Variants in PCM1 observed in about 807,000 individuals in gnomAD.
PCM1 encodes the protein pericentriolar material 1.
PCM1 carries 157 observed loss-of-function variants against 241.9 expected under a neutral mutation model. The ratio of observed to expected loss-of-function variants is 0.65; its 90% CI spans 0.57 to 0.74. The LOEUF is 0.74. PCM1 is among the 30% of genes least tolerant of loss of function. PCM1 has a pLI of 0.00. For synonymous variants in PCM1, 1,085 were observed against 784.9 expected (o/e 1.38, Z -6.39); for missense variants, 3,478 against 2,360.1 (o/e 1.47, Z -9.81).
At chr8:17,942,663 G>C (rs2062491953) in intron 6 of PCM1, among the ~76,000 whole-genome samples, 1 of 151,678 alleles carries the variant, frequency 6.6e-6, no homozygotes. Flanking sequence ...TGGCATTCCA[G>C]ATAGAGTTAA....
intron 17 of PCM1, among the ~76,000 whole-genome samples, 181 bp downstream of exon 17, chr8:17,963,472 T>A (rs1048599542): frequency 6.6e-6 from 1 of 152,228 alleles, no homozygotes; most frequent in Non-Finnish European, 1.5e-5. Flanking sequence ...CTGTTCTGAC[T>A]TCTCGTAGCA....
chr8:17,987,765 A>G (rs1179552533), intron 26 of PCM1, among the ~76,000 whole-genome samples: 2 of 151,888 alleles, frequency 1.3e-5, no homozygotes, highest in South Asian at 2.1e-4. Flanking sequence ...AGAACTTTCT[A>G]TAGTGATGGA....
chr8:18,005,825 A>T (rs1359337053), intron 29 of PCM1, among the ~76,000 whole-genome samples: 4 of 152,162 alleles, frequency 2.6e-5, no homozygotes, highest in African/African-American at 9.7e-5. Flanking sequence ...AATGCACAGG[A>T]TGTCAATAAT....
intron 23 of PCM1, among the ~76,000 whole-genome samples, chr8:17,979,228 CAGTT>C (rs555410100): frequency 3.7e-4 from 57 of 152,142 alleles, no homozygotes; most frequent in African/African-American, 1.2e-3. Flanking sequence ...ATTTCTATCT[CAGTT>C]AGGAACTAAA....
rs2076605228 is a variant in PCM1 at position 17,970,872 on chromosome 8, A to G, written c.3584+1124A>G. Among the ~76,000 whole-genome samples the G allele has an allele frequency of 1.3e-5, 2 of 152,166 alleles. 1 individual carries two copies. Among genetic ancestry groups the G allele is most frequent in the South Asian group, 4.1e-4 (2 of 4,832 alleles). The stretch of plus-strand genomic sequence containing the variant: ...GACCTCATTTCCCAAAATCTCAACT[A>G]TTGTAATTTCATGGAATTAAATGAC... On this transcript the variant is annotated intron_variant, in intron 22 of 38. Transcript: ENST00000325083.
At position 17,991,691 on chromosome 8, in the gene PCM1, A is replaced by T. The variant is rs2084681968; in HGVS notation, c.4681A>T (p.Asn1561Tyr). Reference protein sequence around the residue: ...DGAGAGTTVNNLEETPVIENR... With the variant: ...DGAGAGTTVNYLEETPVIENR... ...TGCTGGTGCAGGTACTACAGTTAAT[A>T]ATTTAGAAGGTATATATTTTTGTTT... The change falls in exon 28 of 39, where the codon AAT becomes TAT. Residue 1561 changes from asparagine (N) to tyrosine (Y), a missense_variant. Asn to Tyr is a moderately radical substitution (Grantham distance 143). Coordinates refer to ENST00000325083, the MANE Select transcript of PCM1 (RefSeq NM_006197.4). The T allele has an allele frequency of 6.5e-7, 1 of 1,548,822 alleles. No homozygotes were observed. Among genetic ancestry groups the T allele is most frequent in the Non-Finnish European group, 8.7e-7 (1 of 1,146,100 alleles).
intron 2 of PCM1, among the ~76,000 whole-genome samples, chr8:17,932,370 A>G (rs867413152): frequency 1.6e-4 from 25 of 152,300 alleles, no homozygotes; most frequent in African/African-American, 5.1e-4. Flanking sequence ...CTTTCCAGAA[A>G]TGTTATACTG....
chr8:17,923,449 C>T (rs1408562314), intron 1 of PCM1, among the ~76,000 whole-genome samples: 1 of 152,210 alleles, frequency 6.6e-6, no homozygotes, highest in Admixed American at 6.5e-5. Flanking sequence ...CTTGCCTCCT[C>T]GCCCCTCCTG....
intron 10 of PCM1, chr8:17,955,879 T>A: frequency 5.6e-6 from 3 of 540,398 alleles, no homozygotes; most frequent in Non-Finnish European, 6.6e-6. Context: ...TTTCTTGTTT[T>A]TCAAATAAAG....
chr8:17,959,555 A>C (rs959734949), intron 13 of PCM1, among the ~76,000 whole-genome samples: 3 of 100,492 alleles, frequency 3.0e-5, no homozygotes, highest in African/African-American at 1.2e-4. Flanking sequence ...GTACATTTTA[A>C]AGGACACAAC....
rs751942028 is a variant in PCM1 at position 17,957,306 on chromosome 8, T to G, written c.1689T>G (p.His563Gln). The change falls in exon 12 of 39, where the codon CAT becomes CAG. Residue 563 changes from histidine to glutamine, a missense_variant. By Grantham distance (24) the His-to-Gln change is conservative (BLOSUM62 0). Transcript: ENST00000325083. Reference sequence around the variant, plus strand: ...CCACTTGGAATGAAGTAAATAGTCATAGTAATGCACAGTGTGTTTCTAATA... The same window carrying G: ...CCACTTGGAATGAAGTAAATAGTCAGAGTAATGCACAGTGTGTTTCTAATA... ...VASTWNEVNS[H>Q]SNAQCVSNNR... 2.5e-6 allele frequency: 4 copies of G among 1,610,330 alleles called. No homozygotes were observed. Among genetic ancestry groups the G allele is most frequent in the Non-Finnish European group, 3.4e-6 (4 of 1,177,936 alleles).
chr8:18,015,411 G>A (rs1452696220), intron 36 of PCM1, among the ~76,000 whole-genome samples: 1 of 152,034 alleles, frequency 6.6e-6, no homozygotes, highest in Non-Finnish European at 1.5e-5. Flanking sequence ...ACTTCACTTG[G>A]GTCATTTCTG....
intron 36 of PCM1, among the ~76,000 whole-genome samples, chr8:18,023,449 T>G (rs551719318): frequency 1.3e-5 from 2 of 152,338 alleles, no homozygotes; most frequent in East Asian, 3.9e-4. Flanking sequence ...AAAGTTTTAA[T>G]GATACTTTCG....
In PCM1 at chr8:17,957,555, G is replaced by C. The variant is rs2069173658; in HGVS notation, c.1820G>C (p.Arg607Thr). Residue 607 changes from arginine to threonine, a missense_variant, in exon 13 of 39, where the codon AGA becomes ACA. Physicochemically the swap from Arg to Thr is moderately conservative, Grantham distance 71 (BLOSUM62 -1). Coordinates refer to ENST00000325083, the MANE Select transcript of PCM1 (RefSeq NM_006197.4). ...TTTTCAGCAGATTGTCGATATAATA[G>C]AGAAGGGGAACAGGAGATTCATGTT... Reference protein sequence around the residue: ...MPPSLDCRYNREGEQEIHVAQ... With the variant: ...MPPSLDCRYNTEGEQEIHVAQ... 1 of 1,579,670 alleles carries C rather than the reference G, an allele frequency of 6.3e-7. No individual in the cohort carries two copies. Among genetic ancestry groups the C allele is most frequent in the African/African-American group, 1.4e-5 (1 of 74,000 alleles).
chr8:17,934,389 G>A (rs2059867174), intron 2 of PCM1, among the ~76,000 whole-genome samples: 1 of 151,872 alleles, frequency 6.6e-6, no homozygotes, highest in Non-Finnish European at 1.5e-5. Flanking sequence ...AGCCTCCCGA[G>A]TAGCTGGGAT....
At chr8:17,999,994 A>G (rs1447434614) in intron 29 of PCM1, among the ~76,000 whole-genome samples, 5 of 152,224 alleles carry the variant, frequency 3.3e-5, no homozygotes. Flanking sequence ...TAAGTAAATA[A>G]AAGACATATA....
chr8:17,990,003 T>C, intron 27 of PCM1, 24 bp downstream of exon 27: 4 of 1,498,364 alleles, frequency 2.7e-6, no homozygotes, highest in Non-Finnish European at 3.6e-6. Flanking sequence ...TTTATAATCT[T>C]AGAAACAACT....
chr8:17,960,684 C>G (rs930183713), intron 15 of PCM1, among the ~76,000 whole-genome samples: 1 of 151,870 alleles, frequency 6.6e-6, no homozygotes, highest in Non-Finnish European at 1.5e-5. Context: ...GCCACCATGC[C>G]TGGCTAATTT....
At chr8:17,987,238 A>G (rs1434404151) in intron 26 of PCM1, among the ~76,000 whole-genome samples, 1 of 151,888 alleles carries the variant, frequency 6.6e-6, no homozygotes, top group Non-Finnish European at 1.5e-5. Flanking sequence ...TTTTTGTGGG[A>G]AATGAAATGC....
Sources: allele counts gnomAD v4.1 joint callset (sites outside exome capture counted in the v4.1 genomes callset), GRCh38; gene constraint gnomAD v4.1.1; transcripts MANE v1.5; gene names NCBI Gene and HGNC (gene_info 2026-07-23, HGNC 2026-07-21).